Variants in ESR1 observed in about 807,000 individuals in gnomAD.
The protein encoded by ESR1 is estrogen receptor.
ESR1 carries 12 observed loss-of-function variants against 52.7 expected under a neutral mutation model. The ratio of observed to expected loss-of-function variants is 0.23; its 90% CI spans 0.15 to 0.37. The LOEUF (loss-of-function observed/expected upper bound fraction) is 0.37. Among genes scored for constraint, ESR1 ranks in the 10% least tolerant of loss-of-function variants. The pLI is 1.00. For synonymous variants in ESR1, 305 were observed against 316.8 expected (o/e 0.96, Z 0.39); for missense variants, 584 against 779.7 (o/e 0.75, Z 2.99).
intron 2 of ESR1, among the ~76,000 whole-genome samples, chr6:151,712,256 A>G (rs562595756): frequency 1.3e-5 from 2 of 152,170 alleles, no homozygotes; most frequent in South Asian, 2.1e-4. Flanking sequence ...GCCTTGTAGT[A>G]TAGTTTGAAG....
intron 4 of ESR1, among the ~76,000 whole-genome samples, chr6:151,951,614 G>C (rs1418510846): frequency 6.6e-6 from 1 of 152,112 alleles, no homozygotes; most frequent in East Asian, 1.9e-4. Flanking sequence ...GAGGTAATCA[G>C]GTGAAGTGCC....
intron 4 of ESR1, among the ~76,000 whole-genome samples, chr6:151,971,075 C>T (rs1473434096): frequency 6.6e-6 from 1 of 152,172 alleles, no homozygotes; most frequent in African/African-American, 2.4e-5. Context: ...GCATCTTATA[C>T]ACCATAGATA....
intron 2 of ESR1, among the ~76,000 whole-genome samples, chr6:151,861,675 C>A (rs1394878942): frequency 6.6e-6 from 1 of 152,150 alleles, no homozygotes; most frequent in Non-Finnish European, 1.5e-5. Context: ...TCCCCACATT[C>A]CTGGACAGTT....
At chr6:152,028,387 T>C (rs1000272158) in intron 5 of ESR1, among the ~76,000 whole-genome samples, 1 of 152,152 alleles carries the variant, frequency 6.6e-6, no homozygotes, top group Non-Finnish European at 1.5e-5. Flanking sequence ...GGGAATTCCC[T>C]TTCCTAGCCA....
At chr6:152,087,158 G>A (rs952597564) in intron 6 of ESR1, among the ~76,000 whole-genome samples, 5 of 152,042 alleles carry the variant, frequency 3.3e-5, no homozygotes, top group Non-Finnish European at 4.4e-5. Flanking sequence ...TTAGTGTTCC[G>A]AATGAATGGA....
chr6:151,720,827 T>G (rs956706146), intron 2 of ESR1, among the ~76,000 whole-genome samples: 4 of 152,224 alleles, frequency 2.6e-5, no homozygotes, highest in Admixed American at 2.0e-4. Flanking sequence ...ATAATTTACT[T>G]TTGTCCTTGT....
chr6:151,941,447 C>T (rs1055263367), intron 3 of ESR1, among the ~76,000 whole-genome samples: 5 of 152,176 alleles, frequency 3.3e-5, no homozygotes, highest in Non-Finnish European at 7.4e-5. Context: ...CTTCTCAAAA[C>T]TCTGACCTCA....
At chr6:151,978,760 G>A (rs908398893) in intron 4 of ESR1, among the ~76,000 whole-genome samples, 10 of 152,046 alleles carry the variant, frequency 6.6e-5, no homozygotes, top group African/African-American at 2.4e-4. Flanking sequence ...AGTGTACATT[G>A]TAAAATTACA....
At chr6:151,977,745 A>G (rs904800628) in intron 4 of ESR1, among the ~76,000 whole-genome samples, 5 of 152,022 alleles carry the variant, frequency 3.3e-5, no homozygotes, top group Non-Finnish European at 5.9e-5. Flanking sequence ...CAGTGAGCCA[A>G]AATCGCACCA....
intron 2 of ESR1, among the ~76,000 whole-genome samples, chr6:151,731,310 C>T (rs940017584): frequency 4.4e-4 from 67 of 151,540 alleles, no homozygotes; most frequent in African/African-American, 6.3e-4. Flanking sequence ...GAGCTGAGAT[C>T]GCGCCACTGT....
At chr6:151,858,587 T>G (rs573920514) in intron 2 of ESR1, among the ~76,000 whole-genome samples, 1,583 of 152,182 alleles carry the variant, frequency 0.01, 36 homozygotes, top group African/African-American at 0.036. Context: ...TCCTGTTTTT[T>G]TTTTTTTTTT....
At chr6:151,961,082 T>C (rs1362269879) in intron 4 of ESR1, among the ~76,000 whole-genome samples, 5 of 152,196 alleles carry the variant, frequency 3.3e-5, no homozygotes, top group African/African-American at 1.2e-4. Context: ...GAGATGTTTT[T>C]AGACCATCTG....
At chr6:151,774,306 A>G (rs1583223110) in intron 2 of ESR1, among the ~76,000 whole-genome samples, 1 of 152,246 alleles carries the variant, frequency 6.6e-6, no homozygotes, top group African/African-American at 2.4e-5. Context: ...ATCACAGAAA[A>G]CAATGGAGTT....
chr6:152,009,221 C>T (rs1199529444), intron 4 of ESR1, among the ~76,000 whole-genome samples: 4 of 152,090 alleles, frequency 2.6e-5, no homozygotes, highest in Non-Finnish European at 5.9e-5. Flanking sequence ...TCCTTCTTTA[C>T]ATGAGTGGAA....
chr6:151,772,515 A>G (rs1242695555), intron 2 of ESR1, among the ~76,000 whole-genome samples: 1 of 152,188 alleles, frequency 6.6e-6, no homozygotes, highest in Non-Finnish European at 1.5e-5. Flanking sequence ...AGCAAACTCT[A>G]TGGCAGATTC....
intron 2 of ESR1, among the ~76,000 whole-genome samples, chr6:151,849,942 C>T (rs868362155): frequency 7.3e-6 from 1 of 136,604 alleles, no homozygotes; most frequent in African/African-American, 2.7e-5. Flanking sequence ...TCTTTTTCTT[C>T]TTCATCCTTC....
chr6:151,705,390 G>A (rs558325444), intron 2 of ESR1, among the ~76,000 whole-genome samples: 1 of 152,168 alleles, frequency 6.6e-6, no homozygotes, highest in Admixed American at 6.5e-5. Flanking sequence ...ATGGGTTAAT[G>A]ATCTATATCA....
chr6:151,921,656 T>C (rs772142176), intron 3 of ESR1, among the ~76,000 whole-genome samples: 7 of 152,206 alleles, frequency 4.6e-5, no homozygotes, highest in Non-Finnish European at 8.8e-5. Flanking sequence ...TGGTATCTCA[T>C]TGTGGTTTTG....
chr6:152,119,100 T>C (rs1052097053), intron 6 of ESR1, among the ~76,000 whole-genome samples: 6 of 152,202 alleles, frequency 3.9e-5, no homozygotes, highest in African/African-American at 1.2e-4. Flanking sequence ...TGGACACGAT[T>C]AGCTTTCATA....
Sources: allele counts gnomAD v4.1 joint callset (sites outside exome capture counted in the v4.1 genomes callset), GRCh38; gene constraint gnomAD v4.1.1; transcripts MANE v1.5; gene names NCBI Gene and HGNC (gene_info 2026-07-23, HGNC 2026-07-21).